GRM8: variants seen among roughly 807,000 people sequenced by gnomAD.
The protein encoded by GRM8 is metabotropic glutamate receptor 8.
A neutral mutation model predicts 87.2 loss-of-function variants in GRM8; 47 were observed. The ratio of observed to expected loss-of-function variants is 0.54; its 90% CI spans 0.43 to 0.69. The LOEUF (loss-of-function observed/expected upper bound fraction) is 0.69. Among genes scored for constraint, GRM8 ranks in the 30% least tolerant of loss-of-function variants. GRM8 has a pLI of 0.00. For missense variants in GRM8, 1,019 were observed against 1,139.2 expected, an observed-to-expected ratio of 0.89 and a Z score of 1.52; for synonymous variants, 396 against 404.5, an observed-to-expected ratio of 0.98 and a Z score of 0.25.
intron 2 of GRM8, among the ~76,000 whole-genome samples, chr7:127,212,156 T>C (rs1796245727): frequency 6.6e-6 from 1 of 152,174 alleles, no homozygotes; most frequent in Non-Finnish European, 1.5e-5. Context: ...GAGGTGTTTT[T>C]AAGGACAGAA....
At chr7:127,088,678 T>G (rs1262389760) in intron 3 of GRM8, among the ~76,000 whole-genome samples, 1 of 152,178 alleles carries the variant, frequency 6.6e-6, no homozygotes, top group African/African-American at 2.4e-5. Context: ...CCATACAGCA[T>G]GTGCAATGGA....
At chr7:127,159,748 A>G (rs572748471) in intron 2 of GRM8, among the ~76,000 whole-genome samples, 50 of 151,904 alleles carry the variant, frequency 3.3e-4, no homozygotes, top group Non-Finnish European at 6.2e-4. Context: ...ACTGTTTTTC[A>G]TAAGAGTTAC....
chr7:127,010,884 A>G (rs1160175565), intron 3 of GRM8, among the ~76,000 whole-genome samples: 1 of 152,104 alleles, frequency 6.6e-6, no homozygotes, highest in African/African-American at 2.4e-5. Context: ...GTAGGATTTA[A>G]TGAAAGAAAG....
chr7:127,238,704 T>G (rs1798124906), intron 2 of GRM8, among the ~76,000 whole-genome samples: 1 of 152,188 alleles, frequency 6.6e-6, no homozygotes, highest in Admixed American at 6.5e-5. Flanking sequence ...TATTCAACCC[T>G]CTTCTAAAGT....
chr7:126,521,034 AG>A (rs1477063833), intron 9 of GRM8, among the ~76,000 whole-genome samples: 2 of 152,160 alleles, frequency 1.3e-5, no homozygotes, highest in African/African-American at 4.8e-5. Context: ...AAACACTTTA[AG>A]GGTTTATGAC....
intron 9 of GRM8, among the ~76,000 whole-genome samples, chr7:126,480,477 TA>T (rs1806541694): frequency 6.6e-6 from 1 of 152,152 alleles, no homozygotes. Flanking sequence ...ACAAAAACTA[TA>T]ATTGGTAAAT....
At chr7:126,974,421 T>C (rs773662167) in intron 3 of GRM8, among the ~76,000 whole-genome samples, 5 of 152,080 alleles carry the variant, frequency 3.3e-5, no homozygotes, top group Non-Finnish European at 7.3e-5. Context: ...CCTTACTGTC[T>C]ACATGTATCC....
chr7:127,066,237 G>T (rs1821093740), intron 3 of GRM8, among the ~76,000 whole-genome samples: 1 of 152,162 alleles, frequency 6.6e-6, no homozygotes, highest in Non-Finnish European at 1.5e-5. Context: ...GAATAATTTA[G>T]TAGAGCAATA....
intron 7 of GRM8, among the ~76,000 whole-genome samples, chr7:126,619,500 A>C (rs180831704): frequency 6.2e-4 from 94 of 152,236 alleles, no homozygotes; most frequent in Admixed American, 2.2e-3. Context: ...GTACCCTAGA[A>C]CTTAAAGTAT....
At chr7:126,534,678 C>T (rs572077171) in intron 8 of GRM8, among the ~76,000 whole-genome samples, 4 of 152,284 alleles carry the variant, frequency 2.6e-5, no homozygotes, top group African/African-American at 7.2e-5. Flanking sequence ...ATAACTCTAT[C>T]GAGATACAAG....
At chr7:127,109,464 T>C (rs541682649) in intron 2 of GRM8, among the ~76,000 whole-genome samples, 3 of 152,288 alleles carry the variant, frequency 2.0e-5, no homozygotes, top group Admixed American at 2.0e-4. Flanking sequence ...GTACCTTCTC[T>C]CCATATTCTC....
chr7:126,476,115 CA>C (rs1563049282), intron 9 of GRM8, among the ~76,000 whole-genome samples: 1 of 151,966 alleles, frequency 6.6e-6, no homozygotes, highest in Non-Finnish European at 1.5e-5. Flanking sequence ...GGGACTACAT[CA>C]AATTAAAAAG....
At chr7:127,071,006 G>A (rs1468285537) in intron 3 of GRM8, among the ~76,000 whole-genome samples, 1 of 152,064 alleles carries the variant, frequency 6.6e-6, no homozygotes, top group African/African-American at 2.4e-5. Flanking sequence ...AGGTACCTTC[G>A]TTTTACCTTC....
intron 9 of GRM8, among the ~76,000 whole-genome samples, chr7:126,508,082 T>A (rs2150730098): frequency 6.6e-6 from 1 of 151,958 alleles, no homozygotes; most frequent in East Asian, 2.0e-4. Context: ...AGAGTATTCA[T>A]TAATTATGAT....
At chr7:127,070,934 A>C (rs915187220) in intron 3 of GRM8, among the ~76,000 whole-genome samples, 2 of 152,222 alleles carry the variant, frequency 1.3e-5, no homozygotes, top group Non-Finnish European at 2.9e-5. Context: ...CTGCCTAAGA[A>C]AAATTCTGAA....
intron 2 of GRM8, among the ~76,000 whole-genome samples, chr7:127,177,967 T>C (rs1794213026): frequency 6.6e-6 from 1 of 152,094 alleles, no homozygotes; most frequent in African/African-American, 2.4e-5. Context: ...AAAATCACAC[T>C]AGTTCACCAG....
intron 8 of GRM8, among the ~76,000 whole-genome samples, chr7:126,569,204 T>C (rs1794492541): frequency 6.6e-6 from 1 of 152,144 alleles, no homozygotes; most frequent in Non-Finnish European, 1.5e-5. Context: ...CAGTGGGCCA[T>C]CTAAAGACTG....
At chr7:126,700,917 C>G (rs1157896486) in intron 7 of GRM8, among the ~76,000 whole-genome samples, 1 of 152,040 alleles carries the variant, frequency 6.6e-6, no homozygotes, top group Non-Finnish European at 1.5e-5. Context: ...TGATAAAGAA[C>G]AGTAAATTTG....
At chr7:126,827,464 C>G (rs1794930025) in intron 6 of GRM8, among the ~76,000 whole-genome samples, 1 of 152,132 alleles carries the variant, frequency 6.6e-6, no homozygotes, top group Admixed American at 6.5e-5. Context: ...GTATTTTATT[C>G]TCTTTGAAGC....
Sources: gnomAD v4.1 joint callset for allele counts (sites outside exome capture counted in the v4.1 genomes callset) on GRCh38, gnomAD v4.1.1 for gene constraint, MANE v1.5 for transcripts, NCBI Gene and HGNC (gene_info 2026-07-23, HGNC 2026-07-21) for gene names.